The following NELL2 variants were observed in gnomAD, a reference collection of about 807,000 sequenced individuals.
NELL2 encodes the protein neural EGFL like 2.
Under a neutral mutation model 109.6 loss-of-function variants are expected in NELL2, and 41 were observed. The observed-to-expected ratio is 0.37, with a 90% CI of 0.29 to 0.49. The LOEUF (loss-of-function observed/expected upper bound fraction) is 0.49, where lower values mean the gene tolerates loss of function less well. Among genes scored for constraint, NELL2 ranks in the 20% least tolerant of loss-of-function variants. The probability of loss-of-function intolerance (pLI) is 0.98; values close to 1 mark genes in which losing one functional copy is unlikely to be tolerated. For missense variants in NELL2, 900 were observed against 1,008.3 expected (o/e 0.89, Z 1.45); for synonymous variants, 355 against 344.7 (o/e 1.03, Z -0.33).
intron 9 of NELL2, among the ~76,000 whole-genome samples, chr12:44,717,174 A>C (rs1326112616): frequency 6.6e-6 from 1 of 152,130 alleles, no homozygotes; most frequent in African/African-American, 2.4e-5. Flanking sequence ...TACTAGTAGG[A>C]TATTTCTTCC....
At chr12:44,541,250 C>CAAAAAAAAAAAAAAAAAAA (rs3071951) in intron 15 of NELL2, among the ~76,000 whole-genome samples, 5 of 78,868 alleles carry the variant, frequency 6.3e-5, no homozygotes, top group Non-Finnish European at 1.1e-4. Context: ...GACTCCATCT[C>CAAAAAAAAAAAAAAAAAAA]AAAAAAAAAA....
upstream of NELL2, among the ~76,000 whole-genome samples, chr12:44,916,629 A>G (rs1354529148): frequency 6.6e-6 from 1 of 152,090 alleles, no homozygotes; most frequent in African/African-American, 2.4e-5. Flanking sequence ...TTAACCACAA[A>G]TCTCACCTTC....
Position 44,577,703 on chromosome 12 carries a change from C to T in NELL2, c.1663+29466G>A, listed in dbSNP as rs1944158765. On this transcript the variant is annotated intron_variant, in intron 15 of 19. Transcript: ENST00000429094. The stretch of plus-strand genomic sequence containing the variant: ...CCATGTTAGCCAGGATGGTCTCGAT[C>T]TCCTGACCTCGTGATCCGCCCACCT... 2.6e-5 allele frequency among the ~76,000 whole-genome samples: 4 copies of T among 152,002 alleles called. No individual in the cohort carries two copies. In the South Asian group the frequency reaches 6.2e-4, roughly 24 times the overall value.
chr12:44,776,789 A>G (rs1009073753), intron 7 of NELL2, among the ~76,000 whole-genome samples: 1 of 152,228 alleles, frequency 6.6e-6, no homozygotes, highest in Non-Finnish European at 1.5e-5. Context: ...GCTAAACAAT[A>G]AATCCTCCTG....
chr12:44,880,158 A>G (rs61690770), upstream of NELL2, among the ~76,000 whole-genome samples: 2,862 of 148,936 alleles, frequency 0.019, 47 homozygotes, highest in African/African-American at 0.04. Context: ...GAGAGAGAGA[A>G]AAACAGAGAA....
At position 44,514,677 on chromosome 12, in the gene NELL2, G is replaced by A. The variant is rs548460434; in HGVS notation, c.2400+5328C>T. On this transcript the variant is annotated intron_variant, in intron 19 of 19. Coordinates refer to ENST00000429094, the MANE Select transcript of NELL2 (RefSeq NM_001145108.2). ...AGGCATCCACTTGGAGTCTTGGAAC[G>A]TATATCCCTTGTGGAAAAAGGAGCT... Among the ~76,000 whole-genome samples, 81 of 151,444 alleles carry A rather than the reference G, an allele frequency of 5.3e-4. No homozygotes were observed. In the Middle Eastern group the frequency reaches 0.01, roughly 19 times the overall value.
At chr12:44,786,769 CA>C (rs1942188745) in intron 3 of NELL2, among the ~76,000 whole-genome samples, 1 of 152,048 alleles carries the variant, frequency 6.6e-6, no homozygotes, top group Non-Finnish European at 1.5e-5. Context: ...AGCAAACTAA[CA>C]CAGGAAGAGA....
At chr12:44,541,817 A>T (rs902203145) in intron 15 of NELL2, among the ~76,000 whole-genome samples, 7 of 152,206 alleles carry the variant, frequency 4.6e-5, no homozygotes, top group Non-Finnish European at 8.8e-5. Flanking sequence ...CTTAATGCTG[A>T]CTGCAGTACT....
chr12:44,687,636 T>G (rs185826946), intron 12 of NELL2, among the ~76,000 whole-genome samples: 1 of 152,338 alleles, frequency 6.6e-6, no homozygotes, highest in East Asian at 1.9e-4. Context: ...GAGTTATGTT[T>G]CACTCCAAGC....
intron 3 of NELL2, among the ~76,000 whole-genome samples, chr12:44,783,624 C>A (rs1175583092): frequency 6.6e-6 from 1 of 151,838 alleles, no homozygotes; most frequent in Non-Finnish European, 1.5e-5. Context: ...ACACAACTTA[C>A]AGAATATGAA....
chr12:44,655,149 A>G (rs936765930), intron 13 of NELL2, among the ~76,000 whole-genome samples: 3 of 152,186 alleles, frequency 2.0e-5, no homozygotes, highest in Non-Finnish European at 4.4e-5. Context: ...ACAAAGGTAA[A>G]CTAGGGTTTG....
chr12:44,590,271 T>A (rs1740989627), intron 15 of NELL2, among the ~76,000 whole-genome samples: 1 of 152,262 alleles, frequency 6.6e-6, no homozygotes, highest in South Asian at 2.1e-4. Context: ...TTACTTTCCC[T>A]GTCAACTAAG....
At chr12:44,683,681 G>C (rs1330711364) in intron 12 of NELL2, among the ~76,000 whole-genome samples, 6 of 150,338 alleles carry the variant, frequency 4.0e-5, no homozygotes, top group South Asian at 2.1e-4. Context: ...AGATAATCAT[G>C]TGGTTTTTGT....
intron 13 of NELL2, among the ~76,000 whole-genome samples, chr12:44,624,522 G>T (rs1946167184): frequency 6.6e-6 from 1 of 151,908 alleles, no homozygotes; most frequent in Non-Finnish European, 1.5e-5. Flanking sequence ...TGGGATCCCA[G>T]ATCTAGTACA....
intron 9 of NELL2, among the ~76,000 whole-genome samples, chr12:44,768,414 T>A (rs979951097): frequency 6.6e-6 from 1 of 152,148 alleles, no homozygotes; most frequent in Non-Finnish European, 1.5e-5. Flanking sequence ...GCTATTTGTC[T>A]TTAGAGAAAA....
chr12:44,780,084 T>C, intron 3 of NELL2, 62 bp from the exon 4 acceptor site: 11 of 1,559,242 alleles, frequency 7.1e-6, no homozygotes, highest in Non-Finnish European at 9.6e-6. Flanking sequence ...ATTGAAGTGA[T>C]CTCTGTCTAC....
chr12:44,582,591 T>C (rs1944361369), intron 15 of NELL2, among the ~76,000 whole-genome samples: 1 of 151,544 alleles, frequency 6.6e-6, no homozygotes, highest in Non-Finnish European at 1.5e-5. Context: ...CAGGAAGTGG[T>C]GGCCGAAAGG....
intron 9 of NELL2, among the ~76,000 whole-genome samples, chr12:44,738,039 T>C (rs2136489054): frequency 6.6e-6 from 1 of 152,326 alleles, no homozygotes; most frequent in African/African-American, 2.4e-5. Flanking sequence ...TTTACTCTGA[T>C]TCCTTTGAGA....
intron 15 of NELL2, among the ~76,000 whole-genome samples, chr12:44,557,951 A>G (rs1165744466): frequency 6.6e-6 from 1 of 152,178 alleles, no homozygotes; most frequent in African/African-American, 2.4e-5. Flanking sequence ...GGAAGAGAGG[A>G]CACTGGATGT....
Sources: gnomAD v4.1 joint callset for allele counts (sites outside exome capture counted in the v4.1 genomes callset) on GRCh38, gnomAD v4.1.1 for gene constraint, MANE v1.5 for transcripts, NCBI Gene and HGNC (gene_info 2026-07-23, HGNC 2026-07-21) for gene names.